Variants in OSBPL10 observed in about 807,000 individuals in gnomAD.
The protein encoded by OSBPL10 is oxysterol binding protein like 10.
OSBPL10 carries 49 observed loss-of-function variants against 81.7 expected under a neutral mutation model. The observed-to-expected ratio is 0.60, with a 90% CI of 0.48 to 0.76. The LOEUF (loss-of-function observed/expected upper bound fraction) is 0.76, where lower values mean the gene tolerates loss of function less well. Ranked by LOEUF, OSBPL10 falls within the 30% of genes least tolerant of loss-of-function variation. The probability of loss-of-function intolerance (pLI) is 0.00; values close to 1 mark genes in which losing one functional copy is unlikely to be tolerated. For missense variants in OSBPL10, 923 were observed against 987.8 expected, an observed-to-expected ratio of 0.93 and a Z score of 0.88; for synonymous variants, 419 against 383.6, an observed-to-expected ratio of 1.09 and a Z score of -1.08.
At chr3:31,905,394 G>GGCTGGAGT (rs1696379816) in intron 1 of OSBPL10, among the ~76,000 whole-genome samples, 1 of 132,926 alleles carries the variant, frequency 7.5e-6, no homozygotes, top group Non-Finnish European at 1.5e-5. Flanking sequence ...CTGTCACCCA[G>GGCTGGAGT]GCTGGAGTGT....
intron 1 of OSBPL10, among the ~76,000 whole-genome samples, chr3:32,051,785 G>A (rs1197934153): frequency 6.6e-6 from 1 of 152,114 alleles, no homozygotes; most frequent in Non-Finnish European, 1.5e-5. Flanking sequence ...TTGTCTGTCT[G>A]CGTATTTATA....
In OSBPL10 at chr3:31,736,193, T is replaced by G. The variant is rs1697168753; in HGVS notation, c.941-2782A>C. Among the ~76,000 whole-genome samples the G allele has an allele frequency of 1.3e-5, 2 of 152,146 alleles. 1 individual carries two copies. The highest frequency in any genetic ancestry group is 4.1e-4 in the South Asian group (2 of 4,832). ...GCAAGATGGAAAGAGTTTTGGAGATTGGTTATACAACAATGTGAATGCACA... is the reference window on the plus strand; with the variant it reads ...GCAAGATGGAAAGAGTTTTGGAGATGGGTTATACAACAATGTGAATGCACA... On this transcript the variant is annotated intron_variant, in intron 5 of 11. Transcript: ENST00000396556.
At chr3:31,685,379 T>C (rs970758713) in intron 7 of OSBPL10, among the ~76,000 whole-genome samples, 2 of 152,160 alleles carry the variant, frequency 1.3e-5, no homozygotes. Context: ...ATTTTCTTTA[T>C]TTTAGTAGAG....
intron 4 of OSBPL10, among the ~76,000 whole-genome samples, chr3:31,761,668 T>A (rs1333692674): frequency 1.3e-5 from 2 of 150,566 alleles, no homozygotes; most frequent in East Asian, 4.0e-4. Context: ...AATACAAAAA[T>A]TAGCTGGGCA....
chr3:32,056,992 T>C (rs56218411), intron 1 of OSBPL10, among the ~76,000 whole-genome samples: 2,474 of 152,310 alleles, frequency 0.016, 74 homozygotes, highest in African/African-American at 0.056. Context: ...TCAGTGCTCA[T>C]TATATGCTAA....
rs148930777 is a variant in OSBPL10 at position 31,895,498 on chromosome 3, C to T, written c.282-15668G>A. Among the ~76,000 whole-genome samples the T allele has an allele frequency of 3.3e-3, 500 of 152,122 alleles. 1 individual carries two copies. Among genetic ancestry groups the T allele is most frequent in the Middle Eastern group, 0.014 (4 of 294 alleles). On this transcript the variant is annotated intron_variant, in intron 1 of 11. Transcript: ENST00000396556. ...ACTTGGACCAATTAACTCAGAATCT[C>T]TGGGGATGAAACTCAGGCAGTGGTA... is the stretch of plus-strand genomic sequence containing the variant.
At chr3:32,075,873 T>C (rs955516675) in intron 1 of OSBPL10, among the ~76,000 whole-genome samples, 5 of 152,040 alleles carry the variant, frequency 3.3e-5, no homozygotes, top group African/African-American at 1.2e-4. Flanking sequence ...ACAAAAGAAA[T>C]GAAAATAGCC....
intron 1 of OSBPL10, among the ~76,000 whole-genome samples, chr3:32,076,704 C>G (rs1032063704): frequency 3.9e-5 from 6 of 152,020 alleles, no homozygotes; most frequent in Non-Finnish European, 8.8e-5. Flanking sequence ...AATTAGTCAC[C>G]CTGAGCATTC....
intron 1 of OSBPL10, among the ~76,000 whole-genome samples, chr3:32,056,187 G>A (rs554755567): frequency 2.3e-4 from 35 of 152,194 alleles, no homozygotes; most frequent in African/African-American, 6.5e-4. Flanking sequence ...ATTAGATTCC[G>A]GTCTTATCAG....
intron 4 of OSBPL10, among the ~76,000 whole-genome samples, chr3:31,756,388 G>A (rs768784839): frequency 3.3e-5 from 5 of 152,064 alleles, no homozygotes; most frequent in African/African-American, 4.8e-5. Flanking sequence ...TTTGCTTTCC[G>A]ATTACAAAAG....
intron 1 of OSBPL10, among the ~76,000 whole-genome samples, chr3:31,926,753 GAC>G (rs1256699847): frequency 6.6e-6 from 1 of 152,110 alleles, no homozygotes; most frequent in Non-Finnish European, 1.5e-5. Flanking sequence ...ACATATGAAT[GAC>G]ACAGCACCTA....
intron 3 of OSBPL10, among the ~76,000 whole-genome samples, chr3:31,874,373 T>C (rs1475935655): frequency 1.3e-5 from 2 of 152,116 alleles, no homozygotes; most frequent in Non-Finnish European, 2.9e-5. Flanking sequence ...AAAATACTCA[T>C]AAACTTGACT....
chr3:31,863,394 C>G (rs746804641), intron 3 of OSBPL10, among the ~76,000 whole-genome samples: 1 of 152,074 alleles, frequency 6.6e-6, no homozygotes, highest in Non-Finnish European at 1.5e-5. Context: ...TACTAAAAAC[C>G]ACTGAATTAC....
chr3:31,917,056 T>C (rs1696777001), intron 1 of OSBPL10, among the ~76,000 whole-genome samples: 1 of 152,204 alleles, frequency 6.6e-6, no homozygotes, highest in Admixed American at 6.5e-5. Flanking sequence ...ATTACTTTAC[T>C]TCCCTTGTGC....
intron 3 of OSBPL10, among the ~76,000 whole-genome samples, chr3:31,833,703 A>ATG (rs1559484662): frequency 1.5e-5 from 2 of 137,062 alleles, no homozygotes; most frequent in Non-Finnish European, 3.0e-5. Context: ...GCACACGCAC[A>ATG]CGCACACACA....
intron 2 of OSBPL10, among the ~76,000 whole-genome samples, chr3:32,002,160 TCATTCA>T (rs1202563198): frequency 2.0e-5 from 3 of 152,180 alleles, no homozygotes; most frequent in African/African-American, 7.2e-5. Context: ...ATTTACTCAT[TCATTCA>T]TTTACTCGCC....
rs10588069 is a variant in OSBPL10, at chr3:31,823,844, A to ATGTGTGTGTG, written c.729+6186_729+6195dup. 7.3e-4 allele frequency among the ~76,000 whole-genome samples: 109 copies of ATGTGTGTGTG among 148,414 alleles called. 1 individual carries two copies. The highest frequency in any genetic ancestry group is 2.3e-3 in the African/African-American group (93 of 40,302). ...TTTTTAATTTAATTTGTATGTGTGT[A>ATGTGTGTGTG]TGTGTGTGTGTGTGTGTGTGTGTGT... On this transcript the variant is annotated intron_variant, in intron 4 of 11. Coordinates refer to ENST00000396556, the MANE Select transcript of OSBPL10 (RefSeq NM_017784.5).
intron 1 of OSBPL10, among the ~76,000 whole-genome samples, chr3:31,930,723 A>G (rs574041326): frequency 6.6e-6 from 1 of 152,256 alleles, no homozygotes; most frequent in East Asian, 1.9e-4. Context: ...GGTAGAATAA[A>G]AAGATAGTAG....
intron 9 of OSBPL10, 150 bp downstream of exon 9, chr3:31,670,646 TA>T (rs1050826332): frequency 4.6e-6 from 4 of 861,392 alleles, no homozygotes; most frequent in Non-Finnish European, 6.8e-6. Flanking sequence ...CCATGTAAGG[TA>T]GGGAAAAGGC....
Sources: allele counts gnomAD v4.1 joint callset (sites outside exome capture counted in the v4.1 genomes callset), GRCh38; gene constraint gnomAD v4.1.1; transcripts MANE v1.5; gene names NCBI Gene and HGNC (gene_info 2026-07-23, HGNC 2026-07-21).